PIK3CD: variants seen among roughly 807,000 people sequenced by gnomAD.
PIK3CD encodes phosphatidylinositol-4,5-bisphosphate 3-kinase catalytic subunit delta, also known as phosphatidylinositol 4,5-bisphosphate 3-kinase catalytic subunit delta isoform.
Under a neutral mutation model 122.9 loss-of-function variants are expected in PIK3CD, and 20 were observed. The observed-to-expected ratio is 0.16, with a 90% CI of 0.11 to 0.24. The LOEUF is 0.24. Ranked by LOEUF, PIK3CD falls within the 10% of genes least tolerant of loss-of-function variation. The pLI is 1.00. For synonymous variants in PIK3CD, 596 were observed against 593.4 expected, an observed-to-expected ratio of 1.00 and a Z score of -0.06; for missense variants, 787 against 1,406.3, an observed-to-expected ratio of 0.56 and a Z score of 7.04.
the PIK3CD span, among the ~76,000 whole-genome samples, chr1:9,635,201 G>C: frequency 6.7e-6 from 1 of 150,348 alleles, no homozygotes; most frequent in Non-Finnish European, 1.5e-5. Flanking sequence ...CTTGAACCTG[G>C]AAGGTGGAGG....
chr1:9,715,555 C>A lies in PIK3CD; in HGVS notation c.156C>A (p.Arg52=), dbSNP rs558577650. ...LSTIKQLLWH[R]AQYEPLFHML... ...TGTCCCTCCAGCTGCTGTGGCACCG[C>A]GCCCAGTATGAGCCGCTCTTCCACA... Residue 52 remains arginine, a synonymous_variant, in exon 4 of 24, where the codon CGC becomes CGA. Transcript: ENST00000377346. This position sits in a 1 kb window ranked among gnomAD's most constrained non-coding sequence, Gnocchi z 4.1. 6.2e-7 allele frequency: 1 copy of A among 1,613,338 alleles called. No homozygotes were observed. The highest frequency in any genetic ancestry group is 1.3e-5 in the African/African-American group (1 of 74,946).
chr1:9,685,147 G>T (rs948685916), intron 1 of PIK3CD, among the ~76,000 whole-genome samples: 1 of 152,106 alleles, frequency 6.6e-6, no homozygotes, highest in Non-Finnish European at 1.5e-5. Flanking sequence ...GAGAGCATGG[G>T]CCTCTTATAA....
intron 2 of PIK3CD, among the ~76,000 whole-genome samples, chr1:9,697,572 AG>A (rs905813017): frequency 6.6e-6 from 1 of 151,314 alleles, no homozygotes; most frequent in Non-Finnish European, 1.5e-5. Context: ...AAAAAAAAAA[AG>A]TTTTTTTTTA....
chr1:9,678,518 C>T (rs1257873313), intron 1 of PIK3CD, among the ~76,000 whole-genome samples: 1 of 152,146 alleles, frequency 6.6e-6, no homozygotes. Flanking sequence ...CCAGTGGTTC[C>T]TAACCTGTCT....
the PIK3CD span, among the ~76,000 whole-genome samples, chr1:9,629,896 C>T: frequency 6.6e-6 from 1 of 152,190 alleles, no homozygotes; most frequent in African/African-American, 2.4e-5. Flanking sequence ...ACGAATTTTG[C>T]GCCATTACTC....
At chr1:9,650,326 G>A (rs774898316), upstream of PIK3CD, among the ~76,000 whole-genome samples, 3 of 152,154 alleles carry the variant, frequency 2.0e-5, no homozygotes, top group Non-Finnish European at 2.9e-5. Context: ...GGAGGCTGAG[G>A]CAGGAGAATT....
chr1:9,631,272 C>A, the PIK3CD span, among the ~76,000 whole-genome samples: 1 of 152,198 alleles, frequency 6.6e-6, no homozygotes, highest in Non-Finnish European at 1.5e-5. Flanking sequence ...TGGATCCAGG[C>A]CTCCCTTCCA....
rs571344137 is a variant in PIK3CD at position 9,720,491 on chromosome 1, C to T, written c.1471-120C>T. 1.9e-5 allele frequency: 28 copies of T among 1,510,436 alleles called. No individual in the cohort carries two copies. Among genetic ancestry groups the T allele is most frequent in the African/African-American group, 1.7e-4 (12 of 72,274 alleles). 93.6% of individuals were successfully genotyped at this position (1,510,436 alleles called of 1,614,324 possible). A position where few individuals can be genotyped will look rare whatever the true frequency, so the allele number is the denominator to read the frequency against. On this transcript the variant is annotated intron_variant, in intron 11 of 23. Coordinates refer to ENST00000377346, the MANE Select transcript of PIK3CD (RefSeq NM_005026.5). This position sits in a 1 kb window ranked among gnomAD's most constrained non-coding sequence, Gnocchi z 9.0. ...GTGGAGGCCAGAGCTGCTGTGGATG[C>T]GCCTCCATGCAGAGGACAGCGCCCC... is the stretch of plus-strand genomic sequence containing the variant.
rs754053878 is a variant in PIK3CD at position 9,715,875 on chromosome 1, G to A, written c.397G>A (p.Asp133Asn). Reference sequence around the variant, plus strand: ...CCTCCACGAGTTTGACTCCTTGTGCGACCCAGAAGTGAACGACTTTCGCGC... The same window carrying A: ...CCTCCACGAGTTTGACTCCTTGTGCAACCCAGAAGTGAACGACTTTCGCGC... Reference protein sequence around the residue: ...KGLHEFDSLCDPEVNDFRAKM... With the variant: ...KGLHEFDSLCNPEVNDFRAKM... The change falls in exon 5 of 24, where the codon GAC becomes AAC. Residue 133 changes from aspartate (D) to asparagine (N), a missense_variant. This residue lies in a region of PIK3CD where 592 missense variants were observed against 920.6 expected (regional missense o/e 0.64). Coordinates refer to ENST00000377346, the MANE Select transcript of PIK3CD (RefSeq NM_005026.5). The surrounding 1 kb of genome is among the most constrained non-coding windows in gnomAD (Gnocchi z 4.1). The A allele has an allele frequency of 2.5e-5, 40 of 1,612,334 alleles. No individual in the cohort carries two copies. Among genetic ancestry groups the A allele is most frequent in the Non-Finnish European group, 3.2e-5 (38 of 1,179,848 alleles).
chr1:9,686,954 C>T (rs374725007), intron 1 of PIK3CD, among the ~76,000 whole-genome samples: 1 of 152,172 alleles, frequency 6.6e-6, no homozygotes, highest in Non-Finnish European at 1.5e-5. Context: ...TTATTAAGGT[C>T]TCTATCTTTT....
upstream of PIK3CD, among the ~76,000 whole-genome samples, chr1:9,647,375 C>CA (rs1296321361): frequency 6.6e-6 from 1 of 151,786 alleles, no homozygotes; most frequent in Non-Finnish European, 1.5e-5. Context: ...GCCTGAGTGA[C>CA]AGAGTGAGAC....
In PIK3CD at chr1:9,689,448, G is replaced by GCCGGCC. The variant is rs1478276697; in HGVS notation, c.-137-2009_-137-2004dup. On this transcript the variant is annotated intron_variant, in intron 1 of 23. Transcript: ENST00000377346. This position sits in a 1 kb window ranked among gnomAD's most constrained non-coding sequence, Gnocchi z 6.1. ...ATTTGCCGACGGTGCCCGCGCCGCC[G>GCCGGCC]CCGGCCCCGGCCCCGCCCCAGCCCC... Among the ~76,000 whole-genome samples the GCCGGCC allele has an allele frequency of 1.3e-5, 2 of 149,430 alleles. No individual in the cohort carries two copies. Among genetic ancestry groups the GCCGGCC allele is most frequent in the Non-Finnish European group, 3.0e-5 (2 of 66,880 alleles).
intron 1 of PIK3CD, among the ~76,000 whole-genome samples, chr1:9,678,164 A>AC (rs1200833622): frequency 6.6e-6 from 1 of 151,742 alleles, no homozygotes; most frequent in Non-Finnish European, 1.5e-5. Context: ...AAAAACAAAA[A>AC]CAAAAAAACA....
Position 9,715,724 on chromosome 1 carries a change from G to T in PIK3CD, c.325G>T (p.Val109Leu). Residue 109 changes from valine (V) to leucine (L), a missense_variant, in exon 4 of 24, where the codon GTG becomes TTG. By Grantham distance (32) the Val-to-Leu change is conservative (BLOSUM62 1). Transcript: ENST00000377346. This position sits in a 1 kb window ranked among gnomAD's most constrained non-coding sequence, Gnocchi z 4.1. ...CCTGGTGGCCCGTGAGGGCGACCGC[G>T]TGAAGAAGCTCATCAACTCACAGAT... Reference protein sequence around the residue: ...LRLVAREGDRVKKLINSQISL... With the variant: ...LRLVAREGDRLKKLINSQISL... 13 of 1,613,506 alleles carry T rather than the reference G, an allele frequency of 8.1e-6. No homozygotes were observed. The highest frequency in any genetic ancestry group is 1.0e-5 in the Non-Finnish European group (12 of 1,180,014).
chr1:9,721,330 TGA>T, intron 14 of PIK3CD, 82 bp downstream of exon 14: 2 of 1,609,798 alleles, frequency 1.2e-6, no homozygotes, highest in Non-Finnish European at 8.5e-7. Flanking sequence ...GGGTGGGGCC[TGA>T]ACCTTCCCGT....
intron 23 of PIK3CD, 91 bp downstream of exon 23, chr1:9,725,027 G>T: frequency 6.8e-7 from 1 of 1,464,918 alleles, no homozygotes; most frequent in Non-Finnish European, 9.4e-7. Flanking sequence ...AATGCAGTAG[G>T]CCCCAAAGGG....
rs148088382 is a variant in PIK3CD, at chr1:9,679,063, C to CTTT, written c.-137-12384_-137-12382dup. ...CTTCTTTCCGGGTAGTCAGGAGAAA[C>CTTT]TTTTTTTTTTTTTTTTTTTTTTGAG... On this transcript the variant is annotated intron_variant, in intron 1 of 23. Coordinates refer to ENST00000377346, the MANE Select transcript of PIK3CD (RefSeq NM_005026.5). 5.1e-4 allele frequency among the ~76,000 whole-genome samples: 60 copies of CTTT among 116,518 alleles called. 2 individuals carry two copies. The highest frequency in any genetic ancestry group is 7.2e-4 in the African/African-American group (21 of 29,034). The allele number at this position is 116,518 out of a possible 152,430, so 76.4% of individuals were successfully genotyped here.
intron 1 of PIK3CD, among the ~76,000 whole-genome samples, chr1:9,668,565 A>AC (rs1348965977): frequency 1.3e-5 from 2 of 151,542 alleles, no homozygotes. Flanking sequence ...ATTCTGATGC[A>AC]CCCGTCACCC....
In PIK3CD at chr1:9,728,426, C is replaced by CTAACA; in HGVS notation, c.*1383_*1387dup. 6.6e-6 allele frequency: 1 copy of CTAACA among 152,336 alleles called. No homozygotes were observed. Among genetic ancestry groups the CTAACA allele is most frequent in the East Asian group, 1.9e-4 (1 of 5,186 alleles). The allele number at this position is 152,336 out of a possible 1,614,324, so 9.4% of individuals were successfully genotyped here. The stretch of plus-strand genomic sequence containing the variant: ...GGCTTTTAGCAGCCCACAGGTGATC[C>CTAACA]TAACATATCAGGCCATGGACTCAGG... On this transcript the variant is annotated 3_prime_UTR_variant, in exon 24 of 24. Transcript: ENST00000377346.
Sources: allele counts gnomAD v4.1 joint callset (sites outside exome capture counted in the v4.1 genomes callset), GRCh38; gene constraint gnomAD v4.1.1; regional missense constraint gnomAD v4.1.1; non-coding constraint Gnocchi (gnomAD v3.1); transcripts MANE v1.5; gene names NCBI Gene and HGNC (gene_info 2026-07-23, HGNC 2026-07-21).